Variants in PMVK observed in about 807,000 individuals in gnomAD.
PMVK encodes testis tissue sperm-binding protein Li 95mP.
A neutral mutation model predicts 19.0 loss-of-function variants in PMVK; 10 were observed. That is an observed-to-expected ratio of 0.53 (90% CI 0.32 to 0.89). The LOEUF (loss-of-function observed/expected upper bound fraction) is 0.89, where lower values mean the gene tolerates loss of function less well. Ranked by LOEUF, PMVK falls within the 40% of genes least tolerant of loss-of-function variation. The probability of loss-of-function intolerance (pLI) is 0.03; values close to 1 mark genes in which losing one functional copy is unlikely to be tolerated. For missense variants in PMVK, 222 were observed against 251.1 expected (o/e 0.88, Z 0.78); for synonymous variants, 108 against 101.6 (o/e 1.06, Z -0.38).
intron 1 of PMVK, among the ~76,000 whole-genome samples, chr1:154,933,838 G>C (rs1654420807): frequency 6.6e-6 from 1 of 151,936 alleles, no homozygotes; most frequent in South Asian, 2.1e-4. Flanking sequence ...CTGTCGTCCA[G>C]GCTGGAGTAC....
chr1:154,932,756 T>C (rs1366916931), intron 1 of PMVK, among the ~76,000 whole-genome samples: 1 of 152,212 alleles, frequency 6.6e-6, no homozygotes, highest in Non-Finnish European at 1.5e-5. Context: ...AATTCTCTCA[T>C]AGCCAGAGGT....
Position 154,932,377 on chromosome 1 carries a change from C to G in PMVK, c.134G>C (p.Gly45Ala). 2 of 1,613,166 alleles carry G rather than the reference C, an allele frequency of 1.2e-6. No individual in the cohort carries two copies. The highest frequency in any genetic ancestry group is 1.7e-6 in the Non-Finnish European group (2 of 1,179,368). Residue 45 changes from glycine (G) to alanine (A), a missense_variant, in exon 2 of 5, where the codon GGT (glycine) becomes GCT (alanine). Physicochemically the swap from Gly to Ala is moderately conservative, Grantham distance 60. Transcript: ENST00000368467. ...CTGAGCATACTGTTCCTTGAGTGGA[C>G]CAGAGAGCCGGAGGACAGCACAGAC... is the stretch of plus-strand genomic sequence containing the variant. ...ADVCAVLRLS[G>A]PLKEQYAQEH...
intron 1 of PMVK, 94 bp from the exon 2 acceptor site, chr1:154,932,509 C>CA: frequency 2.7e-6 from 2 of 731,742 alleles, no homozygotes; most frequent in Non-Finnish European, 4.5e-6. Context: ...GTTGAAGTCC[C>CA]ATTTCTACTA....
chr1:154,936,877 G>C (rs1346203051), upstream of PMVK: 4 of 587,994 alleles, frequency 6.8e-6, no homozygotes, highest in African/African-American at 1.9e-5. Context: ...CAGATATGGG[G>C]AGAAAAGGGT....
rs1021733942 is a variant in PMVK at position 154,925,042 on chromosome 1, C to T, written c.*87G>A. 7.3e-6 allele frequency: 9 copies of T among 1,226,860 alleles called. No individual in the cohort carries two copies. The highest frequency in any genetic ancestry group is 4.1e-5 in the South Asian group (3 of 73,996). The allele number at this position is 1,226,860 out of a possible 1,614,324, so 76.0% of individuals were successfully genotyped here. A position where few individuals can be genotyped will look rare whatever the true frequency, so the allele number is the denominator to read the frequency against. On this transcript the variant is annotated 3_prime_UTR_variant, in exon 5 of 5. Coordinates refer to ENST00000368467, the MANE Select transcript of PMVK (RefSeq NM_006556.4). ...GACCCCCCCTGTCTGTTCCTCACCT[C>T]GGCCAGGATCGGGGGACACCCCCAT... is the stretch of plus-strand genomic sequence containing the variant.
intron 3 of PMVK, among the ~76,000 whole-genome samples, chr1:154,927,287 A>T (rs1248149667): frequency 6.6e-6 from 1 of 151,892 alleles, no homozygotes; most frequent in Admixed American, 6.6e-5. Context: ...TCGACTAAAA[A>T]TACAAAAAAA....
intron 4 of PMVK, 52 bp from the exon 5 acceptor site, chr1:154,925,317 G>C: frequency 6.2e-7 from 1 of 1,602,364 alleles, no homozygotes; most frequent in Non-Finnish European, 8.6e-7. Context: ...ACAGACAGCA[G>C]GCATCAAGGC....
Position 154,925,219 on chromosome 1 carries a change from G to A in PMVK, c.489C>T (p.Asp163=), listed in dbSNP as rs1654110974. The A allele has an allele frequency of 1.2e-6, 2 of 1,614,020 alleles. No homozygotes were observed. ...CATGGTTCTCGATGACCCAGTCAAA[G>A]TCCCCGAAGTTGTCCAGGCCACATT... The part of the protein sequence containing the change: ...ESECGLDNFG[D]FDWVIENHGV... Residue 163 remains aspartate (D), a synonymous_variant, in exon 5 of 5, where the codon GAC becomes GAT. Transcript: ENST00000368467.
intron 1 of PMVK, chr1:154,936,381 G>A (rs1654504120): frequency 1.0e-6 from 1 of 984,900 alleles, no homozygotes. Flanking sequence ...GAAGGTCTTT[G>A]GAGAGGTGGT....
chr1:154,926,280 C>T (rs1415292545), intron 4 of PMVK, 74 bp downstream of exon 4: 7 of 1,445,132 alleles, frequency 4.8e-6, no homozygotes, highest in African/African-American at 4.2e-5. Flanking sequence ...TCACTTCCCC[C>T]AGGCCTGCCC....
chr1:154,930,407 G>A (rs1654298681), intron 2 of PMVK, among the ~76,000 whole-genome samples: 1 of 152,222 alleles, frequency 6.6e-6, no homozygotes, highest in African/African-American at 2.4e-5. Context: ...GTTGCAGTGA[G>A]CCAAGATCGT....
chr1:154,929,085 C>T lies in PMVK; in HGVS notation c.251G>A (p.Arg84His), dbSNP rs766663470. The T allele has an allele frequency of 9.7e-5, 156 of 1,614,172 alleles. No individual in the cohort carries two copies. Among genetic ancestry groups the T allele is most frequent in the Non-Finnish European group, 1.3e-4 (155 of 1,180,006 alleles). The change falls in exon 3 of 5, where the codon CGC (arginine) becomes CAC (histidine). Residue 84 changes from arginine to histidine, a missense_variant. Arg to His is a conservative substitution (Grantham distance 29, BLOSUM62 0). Coordinates refer to ENST00000368467, the MANE Select transcript of PMVK (RefSeq NM_006556.4). The stretch of plus-strand genomic sequence containing the variant: ...GCAAAAGAAGCCTGGGTCAGCCTGG[C>T]GTTTCTCCTCTCCCCAGCGGATCAT... The part of the protein sequence containing the change: ...KDMIRWGEEK[R>H]QADPGFFCRK...
intron 3 of PMVK, among the ~76,000 whole-genome samples, chr1:154,927,113 G>A (rs962144495): frequency 2.0e-5 from 3 of 151,862 alleles, no homozygotes; most frequent in African/African-American, 4.8e-5. Flanking sequence ...TCCACTCTAC[G>A]TTTGCTCCCC....
chr1:154,932,493 GC>G (rs1480735476), intron 1 of PMVK, 78 bp from the exon 2 acceptor site: 1 of 986,912 alleles, frequency 1.0e-6, no homozygotes, highest in Non-Finnish European at 1.5e-6. Flanking sequence ...GAGTCAAGAG[GC>G]CTGTGTTGAA....
At position 154,925,108 on chromosome 1, in the gene PMVK, C is replaced by A. The variant is rs764888770; in HGVS notation, c.*21G>T. The A allele has an allele frequency of 4.4e-6, 7 of 1,608,736 alleles. No homozygotes were observed. In the South Asian group the frequency reaches 7.7e-5, roughly 18 times the overall value. ...CCACCCCCACCTCAGCAGGCCCCAG[C>A]TCACTCCTAGAACCTAGTGACTAAA... On this transcript the variant is annotated 3_prime_UTR_variant, in exon 5 of 5. Coordinates refer to ENST00000368467, the MANE Select transcript of PMVK (RefSeq NM_006556.4).
the PMVK span, among the ~76,000 whole-genome samples, chr1:154,941,837 G>T: frequency 1.3e-5 from 2 of 152,172 alleles, no homozygotes; most frequent in Non-Finnish European, 2.9e-5. Flanking sequence ...GAGGCAGCAG[G>T]AGACGGGGGA....
chr1:154,925,610 C>A (rs1654128557), intron 4 of PMVK, among the ~76,000 whole-genome samples: 1 of 152,236 alleles, frequency 6.6e-6, no homozygotes, highest in African/African-American at 2.4e-5. Flanking sequence ...ATCCCTAAAT[C>A]TGTCTGACTC....
chr1:154,940,857 TA>T (rs1240358299), upstream of PMVK, among the ~76,000 whole-genome samples: 13 of 152,300 alleles, frequency 8.5e-5, no homozygotes, highest in East Asian at 2.5e-3. Context: ...TTTCCTCCCA[TA>T]TCAGTAGCTC....
upstream of PMVK, among the ~76,000 whole-genome samples, chr1:154,939,311 C>T (rs1654592529): frequency 6.6e-6 from 1 of 152,124 alleles, no homozygotes; most frequent in Non-Finnish European, 1.5e-5. Flanking sequence ...CAAAGTAGCA[C>T]TTCCCTCCCA....
Sources: allele counts gnomAD v4.1 joint callset (sites outside exome capture counted in the v4.1 genomes callset), GRCh38; gene constraint gnomAD v4.1.1; transcripts MANE v1.5; gene names NCBI Gene and HGNC (gene_info 2026-07-23, HGNC 2026-07-21).